The following ANK2 variants were observed in gnomAD, a reference collection of about 807,000 sequenced individuals.
ANK2 encodes ankyrin 2.
Under a neutral mutation model 360.5 loss-of-function variants are expected in ANK2, and 83 were observed. The observed-to-expected ratio is 0.23, with a 90% CI of 0.19 to 0.28. The LOEUF is 0.28. Among genes scored for constraint, ANK2 ranks in the 10% least tolerant of loss-of-function variants. The pLI, the probability that ANK2 is intolerant of heterozygous loss-of-function variation, is 1.00. For missense variants in ANK2, 4,201 were observed against 4,795.7 expected (o/e 0.88, Z 3.66); for synonymous variants, 1,740 against 1,759.5 (o/e 0.99, Z 0.28).
At chr4:112,985,096 T>C (rs1195025968) in intron 2 of ANK2, among the ~76,000 whole-genome samples, 2 of 152,374 alleles carry the variant, frequency 1.3e-5, no homozygotes, top group East Asian at 3.9e-4. Flanking sequence ...AAAACTGGAC[T>C]GTCCACCTGT....
At chr4:112,772,698 G>A in the ANK2 span, among the ~76,000 whole-genome samples, 1 of 152,178 alleles carries the variant, frequency 6.6e-6, no homozygotes, top group Non-Finnish European at 1.5e-5. Flanking sequence ...TGTTCAAGAG[G>A]GGAGTGTTGA....
At chr4:113,323,051 AGAATCTTGT>A (rs1563752766) in intron 26 of ANK2, among the ~76,000 whole-genome samples, 2 of 152,288 alleles carry the variant, frequency 1.3e-5, no homozygotes, top group African/African-American at 4.8e-5. Flanking sequence ...AAAACACAAG[AGAATCTTGT>A]GAAAGCTTAT....
chr4:113,259,413 A>G (rs2051334964), intron 13 of ANK2, among the ~76,000 whole-genome samples: 1 of 152,198 alleles, frequency 6.6e-6, no homozygotes, highest in South Asian at 2.1e-4. Flanking sequence ...GTGAAAGAGA[A>G]TGTCCAGTTT....
intron 22 of ANK2, among the ~76,000 whole-genome samples, 190 bp from the exon 23 acceptor site, chr4:113,302,577 T>A (rs1056736707): frequency 3.3e-5 from 5 of 152,214 alleles, no homozygotes; most frequent in African/African-American, 1.2e-4. Context: ...GCATAAATGA[T>A]CATTTATCTT....
intron 23 of ANK2, among the ~76,000 whole-genome samples, chr4:113,309,567 G>A (rs2078864824): frequency 6.6e-6 from 1 of 152,188 alleles, no homozygotes; most frequent in South Asian, 2.1e-4. Flanking sequence ...TGCCCAGGCT[G>A]TAGTGCAGTG....
At chr4:112,877,198 A>G (rs1319661855) in intron 1 of ANK2, among the ~76,000 whole-genome samples, 5 of 151,744 alleles carry the variant, frequency 3.3e-5, no homozygotes, top group Non-Finnish European at 4.4e-5. Context: ...TGTATTTTCA[A>G]CCTCTTTCCC....
intron 2 of ANK2, among the ~76,000 whole-genome samples, chr4:112,918,768 C>T (rs1231153581): frequency 6.6e-6 from 1 of 152,050 alleles, no homozygotes; most frequent in East Asian, 1.9e-4. Context: ...ATGCTGTTTG[C>T]TTTCTGTTTT....
intron 1 of ANK2, among the ~76,000 whole-genome samples, chr4:113,102,349 GA>G (rs1195351676): frequency 6.6e-6 from 1 of 152,010 alleles, no homozygotes; most frequent in Admixed American, 6.6e-5. Flanking sequence ...CATTTCGGGG[GA>G]AAAAATCCAA....
chr4:112,957,938 G>A (rs983104586), intron 2 of ANK2, among the ~76,000 whole-genome samples: 3 of 150,452 alleles, frequency 2.0e-5, no homozygotes, highest in East Asian at 2.0e-4. Context: ...AGGTAGAGGC[G>A]CTCCTCACAT....
At chr4:112,984,958 G>T (rs2154275240) in intron 2 of ANK2, among the ~76,000 whole-genome samples, 1 of 152,166 alleles carries the variant, frequency 6.6e-6, no homozygotes, top group South Asian at 2.1e-4. Context: ...TCAACATTTT[G>T]TTATAAAAAA....
chr4:113,145,870 TG>T, intron 1 of ANK2: 1 of 1,289,468 alleles, frequency 7.8e-7, no homozygotes, highest in Non-Finnish European at 1.0e-6. Context: ...AGAGCTGAGA[TG>T]GGGAATGCAG....
At chr4:112,834,285 T>G (rs1222342546) in intron 1 of ANK2, among the ~76,000 whole-genome samples, 1 of 152,204 alleles carries the variant, frequency 6.6e-6, no homozygotes, top group Non-Finnish European at 1.5e-5. Flanking sequence ...AAAAATGTTC[T>G]TAGAGAAGCA....
At chr4:113,152,145 TA>T (rs898989870) in intron 1 of ANK2, 53 of 152,120 alleles carry the variant, frequency 3.5e-4, no homozygotes, top group Non-Finnish European at 5.3e-4. Flanking sequence ...ATTATCTATT[TA>T]TTTTTTTTAT....
chr4:113,163,478 G>T (rs535278586), intron 1 of ANK2, among the ~76,000 whole-genome samples: 10 of 151,160 alleles, frequency 6.6e-5, no homozygotes, highest in Admixed American at 6.6e-4. Context: ...TAAAAACCAA[G>T]CTTTGGCCGG....
chr4:113,371,250 C>T (rs540628276), intron 43 of ANK2, among the ~76,000 whole-genome samples: 2 of 152,222 alleles, frequency 1.3e-5, no homozygotes, highest in East Asian at 3.9e-4. Flanking sequence ...GAAATCACAA[C>T]TAAAATTAGG....
At chr4:113,154,025 GCTTCTTCT>G in intron 1 of ANK2, among the ~76,000 whole-genome samples, 1 of 152,226 alleles carries the variant, frequency 6.6e-6, no homozygotes, top group East Asian at 1.9e-4. Context: ...ATTTTATTAA[GCTTCTTCT>G]TATCCAGGTT....
intron 23 of ANK2, among the ~76,000 whole-genome samples, chr4:113,311,011 T>C (rs773987190): frequency 6.6e-6 from 1 of 151,382 alleles, no homozygotes. Flanking sequence ...CCAAACTTAA[T>C]ATTAAAAGAA....
At chr4:113,157,722 T>TCGGTCAA (rs936404348) in intron 1 of ANK2, among the ~76,000 whole-genome samples, 1 of 152,162 alleles carries the variant, frequency 6.6e-6, no homozygotes, top group African/African-American at 2.4e-5. Flanking sequence ...CTCCTATATG[T>TCGGTCAA]CGGTCAACAG....
At chr4:113,247,309 A>G (rs542015654) in intron 9 of ANK2, among the ~76,000 whole-genome samples, 60 of 152,360 alleles carry the variant, frequency 3.9e-4, no homozygotes, top group Admixed American at 2.6e-4. Flanking sequence ...CATTAACTTT[A>G]TAATGTGCTT....
Sources: gnomAD v4.1 joint callset for allele counts (sites outside exome capture counted in the v4.1 genomes callset) on GRCh38, gnomAD v4.1.1 for gene constraint, MANE v1.5 for transcripts, NCBI Gene and HGNC (gene_info 2026-07-23, HGNC 2026-07-21) for gene names.